CLYBL: variants seen among roughly 807,000 people sequenced by gnomAD.
CLYBL encodes citramalyl-CoA lyase, also known as citramalyl-CoA lyase, mitochondrial.
CLYBL carries 31 observed loss-of-function variants against 38.9 expected under a neutral mutation model. The ratio of observed to expected loss-of-function variants is 0.80; its 90% CI spans 0.60 to 1.08. The LOEUF is 1.08. Ranked by LOEUF, CLYBL falls within the 50% of genes least tolerant of loss-of-function variation. The probability of loss-of-function intolerance (pLI) is 0.00; values close to 1 mark genes in which losing one functional copy is unlikely to be tolerated. For synonymous variants in CLYBL, 171 were observed against 158.6 expected (o/e 1.08, Z -0.59); for missense variants, 434 against 411.6 (o/e 1.05, Z -0.47).
chr13:99,709,653 C>T (rs1297851462), intron 1 of CLYBL, among the ~76,000 whole-genome samples: 1 of 152,146 alleles, frequency 6.6e-6, no homozygotes, highest in East Asian at 1.9e-4. Context: ...TTAGCACATT[C>T]TTCTCACTTT....
intron 1 of CLYBL, among the ~76,000 whole-genome samples, chr13:99,612,885 C>T (rs2139176874): frequency 6.6e-6 from 1 of 152,028 alleles, no homozygotes; most frequent in Middle Eastern, 3.4e-3. Flanking sequence ...TGTGGTGGCT[C>T]ATGCCTGTGA....
At chr13:99,901,637 A>ATTTTTTT (rs1413984777), downstream of CLYBL, among the ~76,000 whole-genome samples, 5 of 65,432 alleles carry the variant, frequency 7.6e-5, no homozygotes, top group Non-Finnish European at 1.2e-4. Flanking sequence ...GGTTTTTTGG[A>ATTTTTTT]TTTTTTTGTT....
At chr13:99,770,870 T>A (rs747294005) in intron 1 of CLYBL, among the ~76,000 whole-genome samples, 1 of 151,902 alleles carries the variant, frequency 6.6e-6, no homozygotes, top group Non-Finnish European at 1.5e-5. Flanking sequence ...TACAGGTGTG[T>A]GCCACCACAC....
chr13:99,802,023 CAAAAA>C (rs956570834), intron 2 of CLYBL, among the ~76,000 whole-genome samples: 2 of 151,832 alleles, frequency 1.3e-5, no homozygotes, highest in South Asian at 4.2e-4. Context: ...TCTCAAAAAA[CAAAAA>C]AACAAAAAAA....
chr13:99,788,423 T>C (rs1430993325), intron 2 of CLYBL, among the ~76,000 whole-genome samples: 1 of 152,240 alleles, frequency 6.6e-6, no homozygotes, highest in Non-Finnish European at 1.5e-5. Flanking sequence ...CTGTTGAATT[T>C]TGTCAAAGGC....
intron 2 of CLYBL, among the ~76,000 whole-genome samples, chr13:99,785,758 G>A (rs1368715775): frequency 6.6e-6 from 1 of 151,924 alleles, no homozygotes; most frequent in Admixed American, 6.6e-5. Context: ...ACCACACCTG[G>A]CTAATTTTTT....
intron 1 of CLYBL, among the ~76,000 whole-genome samples, chr13:99,736,384 A>G (rs1022371305): frequency 2.0e-5 from 3 of 151,564 alleles, no homozygotes; most frequent in African/African-American, 7.3e-5. Context: ...AGTAAATCTC[A>G]TTGGAGAGCA....
intron 2 of CLYBL, among the ~76,000 whole-genome samples, chr13:99,774,349 T>G (rs9557297): frequency 0.29 from 43,491 of 152,206 alleles, 7,999 homozygotes; most frequent in Middle Eastern, 0.43. Flanking sequence ...GTTTTCTATG[T>G]TTTTCTAATG....
intron 1 of CLYBL, among the ~76,000 whole-genome samples, chr13:99,667,355 G>A (rs1306217153): frequency 6.6e-6 from 1 of 151,606 alleles, no homozygotes; most frequent in East Asian, 1.9e-4. Flanking sequence ...CAACAGCCAC[G>A]GTTTCCCCCT....
At chr13:99,774,929 G>A (rs534159943) in intron 2 of CLYBL, among the ~76,000 whole-genome samples, 5 of 152,254 alleles carry the variant, frequency 3.3e-5, no homozygotes, top group African/African-American at 1.2e-4. Context: ...TTCCAGTTCT[G>A]TGTGACCCAG....
At chr13:99,709,923 CTTT>C (rs373484721) in intron 1 of CLYBL, among the ~76,000 whole-genome samples, 1 of 110,480 alleles carries the variant, frequency 9.1e-6, no homozygotes. Flanking sequence ...TTCTTTCTTT[CTTT>C]TTTTTTTTTT....
chr13:99,628,972 G>A (rs920784318), intron 1 of CLYBL, among the ~76,000 whole-genome samples: 6 of 152,200 alleles, frequency 3.9e-5, no homozygotes, highest in African/African-American at 7.2e-5. Context: ...GGTAAGTGTC[G>A]CAGCTAATGT....
At chr13:99,657,541 A>AT (rs1238305800) in intron 1 of CLYBL, among the ~76,000 whole-genome samples, 1 of 152,220 alleles carries the variant, frequency 6.6e-6, no homozygotes, top group Non-Finnish European at 1.5e-5. Context: ...TTAAGGCACA[A>AT]ATGTCTCTTT....
intron 1 of CLYBL, among the ~76,000 whole-genome samples, chr13:99,724,784 C>T (rs138056072): frequency 3.9e-5 from 6 of 152,192 alleles, no homozygotes; most frequent in East Asian, 3.9e-4. Flanking sequence ...ACACTTTGTT[C>T]TTATATTCAG....
chr13:99,888,312 G>A (rs1185401793), intron 7 of CLYBL, among the ~76,000 whole-genome samples: 3 of 152,110 alleles, frequency 2.0e-5, no homozygotes, highest in Non-Finnish European at 4.4e-5. Context: ...GTTTTACTGG[G>A]GTTGGATAAT....
chr13:99,700,302 G>A (rs980951123), intron 1 of CLYBL, among the ~76,000 whole-genome samples: 2 of 151,974 alleles, frequency 1.3e-5, no homozygotes, highest in African/African-American at 4.8e-5. Context: ...AAAATTAGGC[G>A]AGCATGGTGG....
At chr13:99,904,306 G>A (rs187140205) in intron 8 of CLYBL, among the ~76,000 whole-genome samples, 22 of 152,276 alleles carry the variant, frequency 1.4e-4, no homozygotes, top group African/African-American at 4.1e-4. Context: ...CTCGAAAGGC[G>A]AAATGTGGCC....
intron 1 of CLYBL, among the ~76,000 whole-genome samples, chr13:99,611,174 G>A (rs534178528): frequency 1.0e-3 from 158 of 152,308 alleles, no homozygotes; most frequent in Middle Eastern, 3.4e-3. Flanking sequence ...TTCTTACTGA[G>A]ATTCATACAT....
intron 7 of CLYBL, among the ~76,000 whole-genome samples, chr13:99,873,605 G>C (rs7335739): frequency 0.41 from 62,949 of 151,990 alleles, 15,358 homozygotes; most frequent in African/African-American, 0.68. Context: ...TTGCTTTTCT[G>C]CACTTCTTCC....
Sources: gnomAD v4.1 joint callset for allele counts (sites outside exome capture counted in the v4.1 genomes callset) on GRCh38, gnomAD v4.1.1 for gene constraint, MANE v1.5 for transcripts, NCBI Gene and HGNC (gene_info 2026-07-23, HGNC 2026-07-21) for gene names.